UNC79: variants seen among roughly 807,000 people sequenced by gnomAD.
The protein encoded by UNC79 is protein unc-79 homolog.
A neutral mutation model predicts 283.1 loss-of-function variants in UNC79; 37 were observed. That is an observed-to-expected ratio of 0.13 (90% CI 0.10 to 0.17). The LOEUF (loss-of-function observed/expected upper bound fraction) is 0.17, where lower values mean the gene tolerates loss of function less well. UNC79 is among the 10% of genes least tolerant of loss of function. The probability of loss-of-function intolerance (pLI) is 1.00; values close to 1 mark genes in which losing one functional copy is unlikely to be tolerated. For synonymous variants in UNC79, 1,107 were observed against 1,200.2 expected (o/e 0.92, Z 1.61); for missense variants, 2,272 against 3,211.1 (o/e 0.71, Z 7.07).
chr14:93,536,781 G>GT (rs2061102204), intron 11 of UNC79, among the ~76,000 whole-genome samples: 3 of 86,232 alleles, frequency 3.5e-5, no homozygotes, highest in Non-Finnish European at 4.5e-5. Context: ...CCCACCCCCG[G>GT]CTTTTTTTTT....
intron 46 of UNC79, 60 bp downstream of exon 49, chr14:93,692,006 T>C: frequency 2.6e-6 from 4 of 1,565,268 alleles, no homozygotes; most frequent in Non-Finnish European, 3.5e-6. Flanking sequence ...ACACCACTCC[T>C]AATCCTCACA....
exon 2 of UNC79, chr14:93,467,771 C>T (rs2057289482): frequency 6.7e-7 from 1 of 1,500,390 alleles, no homozygotes; most frequent in Non-Finnish European, 8.8e-7. Context: ...CCTTGAAATA[C>T]TTTTCTCAGA....
At chr14:93,377,087 T>C (rs1052135147) in intron 1 of UNC79, among the ~76,000 whole-genome samples, 1 of 135,426 alleles carries the variant, frequency 7.4e-6, no homozygotes. Flanking sequence ...GCAATGAGAA[T>C]AGTTGTTTCT....
At chr14:93,650,067 T>C (rs1237289721) in intron 35 of UNC79, among the ~76,000 whole-genome samples, 4 of 152,244 alleles carry the variant, frequency 2.6e-5, no homozygotes, top group Non-Finnish European at 5.9e-5. Context: ...AATGGAATCC[T>C]ACTGTATGCA....
At chr14:93,533,930 G>T (rs2060945805) in intron 11 of UNC79, among the ~76,000 whole-genome samples, 1 of 152,148 alleles carries the variant, frequency 6.6e-6, no homozygotes, top group Non-Finnish European at 1.5e-5. Flanking sequence ...TTAAAGTCTA[G>T]TATCTTGTGA....
chr14:93,460,972 G>A (rs1181844506), intron 1 of UNC79, among the ~76,000 whole-genome samples: 2 of 152,154 alleles, frequency 1.3e-5, no homozygotes, highest in African/African-American at 2.4e-5. Context: ...AGTAAATTAC[G>A]ATTCTCTTAC....
intron 1 of UNC79, among the ~76,000 whole-genome samples, chr14:93,417,153 C>T (rs2055480206): frequency 6.6e-6 from 1 of 152,102 alleles, no homozygotes; most frequent in Non-Finnish European, 1.5e-5. Context: ...TTTGCAGTGG[C>T]TGGTACCGGT....
intron 27 of UNC79, among the ~76,000 whole-genome samples, chr14:93,615,879 C>G (rs1387917580): frequency 6.6e-6 from 1 of 151,856 alleles, no homozygotes; most frequent in Non-Finnish European, 1.5e-5. Flanking sequence ...ATATATTGCT[C>G]CCTCCAAATT....
rs2074424097 is a variant in UNC79 at position 93,688,483 on chromosome 14, G to T, written c.6910-182G>T. On this transcript the variant is annotated intron_variant, in intron 43 of 48. Coordinates refer to ENST00000555664, the Ensembl canonical transcript of UNC79. This position sits in a 1 kb window ranked among gnomAD's most constrained non-coding sequence, Gnocchi z 4.0. ...TGGCTGGATCTTTCTGGCTTTGTAG[G>T]CTAGGGAACTTTCCCTCCTTTTATC... Among the ~76,000 whole-genome samples, 1 of 152,088 alleles carries T rather than the reference G, an allele frequency of 6.6e-6. No individual in the cohort carries two copies. Among genetic ancestry groups the T allele is most frequent in the African/African-American group, 2.4e-5 (1 of 41,424 alleles).
At chr14:93,580,290 A>G in exon 19 of UNC79, 2 of 1,614,254 alleles carry the variant, frequency 1.2e-6, no homozygotes, top group Non-Finnish European at 1.7e-6. Flanking sequence ...AATCGAGTGC[A>G]ACTTATGTCA....
intron 1 of UNC79, among the ~76,000 whole-genome samples, chr14:93,450,248 C>T (rs561962243): frequency 6.6e-6 from 1 of 152,286 alleles, no homozygotes; most frequent in East Asian, 1.9e-4. Flanking sequence ...CAGAAACTTT[C>T]TGTGGGGGTA....
Position 93,430,898 on chromosome 14 carries a change from C to A in UNC79, c.-132C>A. 1 of 591,752 alleles carries A rather than the reference C, an allele frequency of 1.7e-6. No individual in the cohort carries two copies. The highest frequency in any genetic ancestry group is 3.0e-6 in the Non-Finnish European group (1 of 333,788). 36.7% of individuals were successfully genotyped at this position (591,752 alleles called of 1,614,324 possible). A position where few individuals can be genotyped will look rare whatever the true frequency, so the allele number is the denominator to read the frequency against. ...TTTGTCCGAATGGTAGCGACACGGG[C>A]CTAAGGGAGGGGGAAAGCGAGGGGG... On this transcript the variant is annotated 5_prime_UTR_variant, in exon 1 of 49. Transcript: ENST00000555664. This position sits in a 1 kb window ranked among gnomAD's most constrained non-coding sequence, Gnocchi z 4.6.
At chr14:93,575,019 A>G in intron 16 of UNC79, 39 bp from the exon 17 acceptor site, 1 of 1,570,662 alleles carries the variant, frequency 6.4e-7, no homozygotes, top group Non-Finnish European at 8.6e-7. Flanking sequence ...TTTAAAATTT[A>G]CATGTGTTTT....
chr14:93,646,697 T>C, intron 35 of UNC79, 51 bp downstream of exon 38: 1 of 1,596,294 alleles, frequency 6.3e-7, no homozygotes, highest in Non-Finnish European at 8.6e-7. Context: ...CCTCTGTGCA[T>C]GTTCATCCTG....
At chr14:93,373,270 C>T (rs1193436933) in intron 1 of UNC79, among the ~76,000 whole-genome samples, 1 of 151,784 alleles carries the variant, frequency 6.6e-6, no homozygotes, top group Non-Finnish European at 1.5e-5. Flanking sequence ...ATCCAAGTAA[C>T]CTGAAGAAAA....
chr14:93,572,401 A>G (rs1257334330), intron 15 of UNC79, among the ~76,000 whole-genome samples: 1 of 152,242 alleles, frequency 6.6e-6, no homozygotes, highest in Non-Finnish European at 1.5e-5. Context: ...AAACTGTTTT[A>G]GATGCTAGGG....
intron 1 of UNC79, among the ~76,000 whole-genome samples, chr14:93,411,328 C>T (rs565596125): frequency 6.6e-6 from 1 of 152,338 alleles, no homozygotes; most frequent in East Asian, 1.9e-4. Flanking sequence ...TAGTCTCTGG[C>T]TCCTGGATGT....
intron 2 of UNC79, among the ~76,000 whole-genome samples, chr14:93,470,502 C>T (rs2140293963): frequency 6.6e-6 from 1 of 152,248 alleles, no homozygotes; most frequent in East Asian, 1.9e-4. Context: ...GTGAGTCCTA[C>T]ATGTTATTTA....
At chr14:93,482,106 A>G (rs1312069507) in intron 4 of UNC79, among the ~76,000 whole-genome samples, 2 of 152,214 alleles carry the variant, frequency 1.3e-5, no homozygotes, top group Non-Finnish European at 2.9e-5. Context: ...TATCAGGCCA[A>G]ATGCATAGTC....
Sources: gnomAD v4.1 joint callset for allele counts (sites outside exome capture counted in the v4.1 genomes callset) on GRCh38, gnomAD v4.1.1 for gene constraint, Gnocchi (gnomAD v3.1) non-coding constraint, MANE v1.5 for transcripts, NCBI Gene and HGNC (gene_info 2026-07-23, HGNC 2026-07-21) for gene names.